Variants in MYPN observed in about 807,000 individuals in gnomAD.
MYPN encodes sarcomeric protein myopalladin, 145 kDa (MYOP).
Under a neutral mutation model 129.4 loss-of-function variants are expected in MYPN, and 63 were observed. That is an observed-to-expected ratio of 0.49 (90% CI 0.40 to 0.60). The LOEUF (loss-of-function observed/expected upper bound fraction) is 0.60, where lower values mean the gene tolerates loss of function less well. Ranked by LOEUF, MYPN falls within the 20% of genes least tolerant of loss-of-function variation. The pLI is 0.00. For missense variants in MYPN, 1,596 were observed against 1,635.4 expected (o/e 0.98, Z 0.42); for synonymous variants, 629 against 600.9 (o/e 1.05, Z -0.68).
intron 1 of MYPN, 40 bp downstream of exon 1, chr10:68,109,763 CAG>C: frequency 2.3e-6 from 1 of 444,266 alleles, no homozygotes; most frequent in South Asian, 1.6e-5. Flanking sequence ...GTTTTGATAA[CAG>C]GGCACTGACA....
intron 10 of MYPN, among the ~76,000 whole-genome samples, chr10:68,169,922 C>G (rs1385053862): frequency 6.6e-6 from 1 of 151,900 alleles, no homozygotes; most frequent in Non-Finnish European, 1.5e-5. Flanking sequence ...GTATTTTTAG[C>G]AAAGAAGGAG....
intron 2 of MYPN, among the ~76,000 whole-genome samples, chr10:68,139,016 T>C (rs1435883289): frequency 1.3e-5 from 2 of 152,202 alleles, no homozygotes; most frequent in Non-Finnish European, 2.9e-5. Context: ...TTCTCTTCCA[T>C]GCAGTCTTAG....
At chr10:68,209,671 C>CTTTTTTTTTT (rs35392300) in intron 19 of MYPN, among the ~76,000 whole-genome samples, 55 of 131,132 alleles carry the variant, frequency 4.2e-4, no homozygotes, top group East Asian at 6.9e-4. Flanking sequence ...GAATTCTTTT[C>CTTTTTTTTTT]TTTTTTTTTT....
intron 1 of MYPN, among the ~76,000 whole-genome samples, chr10:68,098,359 T>C (rs1297471763): frequency 6.6e-6 from 1 of 152,222 alleles, no homozygotes; most frequent in Admixed American, 6.5e-5. Flanking sequence ...CTTCACTTTC[T>C]AAATTAATAG....
intron 18 of MYPN, among the ~76,000 whole-genome samples, chr10:68,206,342 G>A (rs1380684756): frequency 6.6e-6 from 1 of 152,132 alleles, no homozygotes; most frequent in Admixed American, 6.5e-5. Flanking sequence ...GAAGCTGCAC[G>A]AGCCCAGCTG....
intron 7 of MYPN, among the ~76,000 whole-genome samples, chr10:68,159,035 T>C (rs2042930661): frequency 6.6e-6 from 1 of 152,054 alleles, no homozygotes. Context: ...CCAGTAGCTG[T>C]GAATATCTAC....
chr10:68,201,292 C>A (rs773593341), intron 17 of MYPN, among the ~76,000 whole-genome samples: 3 of 152,150 alleles, frequency 2.0e-5, no homozygotes, highest in Non-Finnish European at 2.9e-5. Context: ...GAGATGGTTG[C>A]CCCATTTCTT....
intron 8 of MYPN, 116 bp downstream of exon 8, chr10:68,161,868 A>C: frequency 1.1e-6 from 1 of 880,018 alleles, no homozygotes; most frequent in Non-Finnish European, 1.8e-6. Flanking sequence ...TTTAGGAAAA[A>C]AAGATCCAAA....
intron 1 of MYPN, among the ~76,000 whole-genome samples, chr10:68,088,256 C>A (rs552677344): frequency 1.3e-5 from 2 of 152,018 alleles, no homozygotes; most frequent in African/African-American, 2.4e-5. Context: ...GGGAGGGTGT[C>A]CTAGAAAAAT....
At chr10:68,165,589 A>T (rs2043040977) in intron 8 of MYPN, 113 bp from the exon 9 acceptor site, 3 of 853,100 alleles carry the variant, frequency 3.5e-6, no homozygotes, top group Admixed American at 3.7e-5. Flanking sequence ...TCAAAGAATT[A>T]ATATAGCCAG....
At position 68,211,233 on chromosome 10, in the gene MYPN, C is replaced by A; in HGVS notation, c.*778C>A. 1 of 454,044 alleles carries A rather than the reference C, an allele frequency of 2.2e-6. No individual in the cohort carries two copies. 28.1% of individuals were successfully genotyped at this position (454,044 alleles called of 1,614,324 possible). On this transcript the variant is annotated 3_prime_UTR_variant, in exon 20 of 20. Transcript: ENST00000358913. ...ACTAAAGGATTGGTAATAAACCAATCAGAAAGAAATCCTCTGTGGGGTCAC... is the reference window on the plus strand; with the variant it reads ...ACTAAAGGATTGGTAATAAACCAATAAGAAAGAAATCCTCTGTGGGGTCAC...
upstream of MYPN, chr10:68,109,455 G>C (rs2133959033): frequency 2.2e-6 from 1 of 453,650 alleles, no homozygotes; most frequent in Non-Finnish European, 4.4e-6. Flanking sequence ...ACAGGCACAT[G>C]GTTTATACAG....
intron 7 of MYPN, among the ~76,000 whole-genome samples, chr10:68,160,129 C>T (rs898731988): frequency 7.2e-5 from 11 of 151,972 alleles, no homozygotes; most frequent in East Asian, 1.9e-4. Flanking sequence ...TGAGAGATGC[C>T]GGGCACAGTG....
At chr10:68,089,466 C>T (rs548735477) in intron 1 of MYPN, among the ~76,000 whole-genome samples, 2 of 152,070 alleles carry the variant, frequency 1.3e-5, no homozygotes, top group African/African-American at 2.4e-5. Context: ...CTCAGCCTCC[C>T]GAGTAGCTGG....
rs747347778 is a variant in MYPN, at chr10:68,121,668, A to C, written c.230A>C (p.Asn77Thr). ...CAAGAAGAATTAGACGAAAGTGTCA[A>C]TTTGGCAAGACTGGCCATCAATTAC... Reference protein sequence around the residue: ...LSQEELDESVNLARLAINYDP... With the variant: ...LSQEELDESVTLARLAINYDP... Residue 77 changes from asparagine to threonine, a missense_variant, in exon 2 of 20, where the codon AAT (asparagine) becomes ACT (threonine). By Grantham distance (65) the Asn-to-Thr change is moderately conservative. Coordinates refer to ENST00000358913, the MANE Select transcript of MYPN (RefSeq NM_032578.4). The C allele has an allele frequency of 6.2e-7, 1 of 1,614,228 alleles. No individual in the cohort carries two copies. The highest frequency in any genetic ancestry group is 2.2e-5 in the East Asian group (1 of 44,880).
intron 12 of MYPN, among the ~76,000 whole-genome samples, chr10:68,180,357 T>A (rs2043295741): frequency 1.3e-5 from 2 of 152,146 alleles, no homozygotes; most frequent in South Asian, 4.1e-4. Flanking sequence ...GGCTAATTTT[T>A]GTGTTATTTG....
chr10:68,172,437 C>T lies in MYPN; in HGVS notation c.1974-1629C>T, dbSNP rs1252102944. On this transcript the variant is annotated intron_variant, in intron 10 of 19. Coordinates refer to ENST00000358913, the MANE Select transcript of MYPN (RefSeq NM_032578.4). ...CTGTGATCTCACTTATGGGTCTTCC[C>T]GTGGTTACTCATTCAACAGTAGATT... 1.1e-4 allele frequency among the ~76,000 whole-genome samples: 17 copies of T among 152,196 alleles called. No individual in the cohort carries two copies. The East Asian group carries it at 3.1e-3, about 28-fold the overall frequency.
At chr10:68,101,962 G>A (rs750504435), upstream of MYPN, among the ~76,000 whole-genome samples, 19 of 151,882 alleles carry the variant, frequency 1.3e-4, no homozygotes, top group Non-Finnish European at 2.5e-4. Context: ...TCTCCTAACA[G>A]GAAAAGTACT....
At chr10:68,158,695 T>G (rs2042923621) in intron 7 of MYPN, 68 bp downstream of exon 7, 1 of 1,141,974 alleles carries the variant, frequency 8.8e-7, no homozygotes, top group Non-Finnish European at 1.3e-6. Context: ...CACTTATTTT[T>G]ATAACTTTTT....
Sources: gnomAD v4.1 joint callset for allele counts (sites outside exome capture counted in the v4.1 genomes callset) on GRCh38, gnomAD v4.1.1 for gene constraint, MANE v1.5 for transcripts, NCBI Gene and HGNC (gene_info 2026-07-23, HGNC 2026-07-21) for gene names.